The following EYS variants were observed in gnomAD, a reference collection of about 807,000 sequenced individuals.
EYS encodes protein eyes shut homolog.
In EYS, 250 loss-of-function variants were observed where a neutral mutation model predicts 282.1. The ratio of observed to expected loss-of-function variants is 0.89; its 90% confidence interval spans 0.80 to 0.98. The LOEUF (loss-of-function observed/expected upper bound fraction) is 0.98. Ranked by LOEUF, EYS falls within the 50% of genes least tolerant of loss-of-function variation. EYS has a pLI of 0.00. For synonymous variants in EYS, 1,355 were observed against 1,282.9 expected, an observed-to-expected ratio of 1.06 and a Z score of -1.20; for missense variants, 4,016 against 3,709.0, an observed-to-expected ratio of 1.08 and a Z score of -2.15.
intron 31 of EYS, among the ~76,000 whole-genome samples, chr6:64,154,642 T>C (rs904850083): frequency 2.0e-5 from 3 of 152,128 alleles, no homozygotes; most frequent in Non-Finnish European, 4.4e-5. Flanking sequence ...ATGTGCTCTT[T>C]ATCAGAAAAT....
At chr6:64,023,854 G>C (rs1199627190) in intron 33 of EYS, among the ~76,000 whole-genome samples, 13 of 152,348 alleles carry the variant, frequency 8.5e-5, no homozygotes, top group Admixed American at 7.2e-4. Context: ...CGTGGGCTCA[G>C]TGGGCCCCGC....
chr6:65,449,819 A>C (rs1764341089), intron 5 of EYS, among the ~76,000 whole-genome samples: 1 of 151,976 alleles, frequency 6.6e-6, no homozygotes, highest in Non-Finnish European at 1.5e-5. Flanking sequence ...GTTTTAAAGT[A>C]ATTTCTTCCT....
At chr6:64,597,369 A>G (rs1347584877) in intron 24 of EYS, among the ~76,000 whole-genome samples, 1 of 152,242 alleles carries the variant, frequency 6.6e-6, no homozygotes, top group Admixed American at 6.5e-5. Flanking sequence ...TACTGGGTAT[A>G]CAGCCAAAGG....
At chr6:65,013,946 G>T (rs1259553405) in intron 13 of EYS, among the ~76,000 whole-genome samples, 1 of 152,190 alleles carries the variant, frequency 6.6e-6, no homozygotes, top group East Asian at 1.9e-4. Context: ...TGGAAGAAAA[G>T]ATTGTGGATA....
chr6:65,284,895 T>G (rs1768317943), intron 12 of EYS, among the ~76,000 whole-genome samples: 1 of 152,074 alleles, frequency 6.6e-6, no homozygotes, highest in Non-Finnish European at 1.5e-5. Context: ...GTTTACATAG[T>G]GTTCATGTAA....
chr6:65,189,301 T>C (rs1210622226), intron 12 of EYS, among the ~76,000 whole-genome samples: 2 of 151,744 alleles, frequency 1.3e-5, no homozygotes, highest in Non-Finnish European at 2.9e-5. Flanking sequence ...TAAATCACAC[T>C]AGTATGCTGT....
At chr6:63,956,718 C>A (rs750386468) in intron 35 of EYS, among the ~76,000 whole-genome samples, 8 of 152,136 alleles carry the variant, frequency 5.3e-5, no homozygotes, top group Non-Finnish European at 1.2e-4. Flanking sequence ...TCCATAGCCT[C>A]CTTATCTGCA....
chr6:64,395,779 A>T (rs552834975), intron 28 of EYS, among the ~76,000 whole-genome samples: 32 of 141,542 alleles, frequency 2.3e-4, no homozygotes, highest in Non-Finnish European at 4.0e-4. Context: ...AACTTAAAGT[A>T]TAATTAAAAA....
chr6:64,915,787 G>T (rs979971999), intron 15 of EYS, among the ~76,000 whole-genome samples: 1 of 152,134 alleles, frequency 6.6e-6, no homozygotes, highest in African/African-American at 2.4e-5. Context: ...ATGTAGAAGA[G>T]ATATTCTTTT....
intron 5 of EYS, among the ~76,000 whole-genome samples, chr6:65,436,623 C>A (rs375067350): frequency 2.2e-4 from 33 of 152,164 alleles, no homozygotes; most frequent in Non-Finnish European, 4.0e-4. Flanking sequence ...GGTTGAGAAC[C>A]CTGTTCTATA....
intron 26 of EYS, among the ~76,000 whole-genome samples, chr6:64,578,665 C>G (rs907588921): frequency 6.6e-6 from 1 of 151,700 alleles, no homozygotes; most frequent in Non-Finnish European, 1.5e-5. Context: ...ATCTGTCTCT[C>G]TCCACTAGAA....
At chr6:64,736,137 A>G (rs900348714) in intron 22 of EYS, among the ~76,000 whole-genome samples, 2 of 152,072 alleles carry the variant, frequency 1.3e-5, no homozygotes, top group African/African-American at 2.4e-5. Flanking sequence ...CAGTAAATTC[A>G]CTGAAAATAT....
chr6:64,350,132 T>C (rs1323444549), intron 29 of EYS, among the ~76,000 whole-genome samples: 1 of 151,534 alleles, frequency 6.6e-6, no homozygotes, highest in Non-Finnish European at 1.5e-5. Context: ...GAAGTGTCTC[T>C]ACTCAGAGTC....
At chr6:65,487,575 C>A (rs76591281) in intron 5 of EYS, among the ~76,000 whole-genome samples, 6 of 152,140 alleles carry the variant, frequency 3.9e-5, no homozygotes, top group Admixed American at 2.6e-4. Context: ...ATTCTCCTTG[C>A]CAGTATTTTA....
intron 22 of EYS, among the ~76,000 whole-genome samples, chr6:64,668,574 G>C (rs59310365): frequency 5.4e-5 from 6 of 111,598 alleles, no homozygotes; most frequent in African/African-American, 2.0e-4. Flanking sequence ...TTTCGGGACA[G>C]AGTCTCGCTC....
At chr6:64,357,381 T>C (rs971836415) in intron 29 of EYS, among the ~76,000 whole-genome samples, 14 of 151,650 alleles carry the variant, frequency 9.2e-5, no homozygotes, top group African/African-American at 3.1e-4. Flanking sequence ...ATTGAGTTGA[T>C]AGATGACAAG....
chr6:64,228,504 TA>T (rs1766318673), intron 31 of EYS, among the ~76,000 whole-genome samples: 1 of 152,114 alleles, frequency 6.6e-6, no homozygotes, highest in Admixed American at 6.6e-5. Context: ...TAATTATTGA[TA>T]AAAATATTAG....
At chr6:64,929,140 G>A (rs908174587) in intron 15 of EYS, among the ~76,000 whole-genome samples, 5 of 151,960 alleles carry the variant, frequency 3.3e-5, no homozygotes, top group Admixed American at 1.3e-4. Context: ...TAATTCAATA[G>A]GACCACTGTC....
chr6:64,309,621 G>T (rs1004993632), intron 29 of EYS, among the ~76,000 whole-genome samples: 1 of 151,624 alleles, frequency 6.6e-6, no homozygotes, highest in Non-Finnish European at 1.5e-5. Context: ...CAAAGGACAT[G>T]AACAGACACT....
Sources: allele counts gnomAD v4.1 joint callset (sites outside exome capture counted in the v4.1 genomes callset), GRCh38; gene constraint gnomAD v4.1.1; transcripts MANE v1.5; gene names NCBI Gene and HGNC (gene_info 2026-07-23, HGNC 2026-07-21).